GPBP1L1: variants seen among roughly 807,000 people sequenced by gnomAD.
GPBP1L1 encodes GC-rich promoter binding protein 1 like 1, also known as vasculin-like protein 1.
GPBP1L1 carries 23 observed loss-of-function variants against 52.5 expected under a neutral mutation model. That is an observed-to-expected ratio of 0.44 (90% CI 0.32 to 0.62). The LOEUF is 0.62. GPBP1L1 is among the 20% of genes least tolerant of loss of function. GPBP1L1 has a pLI of 0.06. For synonymous variants in GPBP1L1, 243 were observed against 203.1 expected, an observed-to-expected ratio of 1.20 and a Z score of -1.67; for missense variants, 596 against 579.3, an observed-to-expected ratio of 1.03 and a Z score of -0.30.
chr1:45,633,695 A>C (rs754203717), intron 9 of GPBP1L1, 48 bp from the exon 10 acceptor site: 1 of 1,589,974 alleles, frequency 6.3e-7, no homozygotes, highest in Non-Finnish European at 8.6e-7. Flanking sequence ...AAGAGCAAGA[A>C]CTGGGGTTCT....
At chr1:45,664,075 G>A (rs910081334) in intron 2 of GPBP1L1, among the ~76,000 whole-genome samples, 1 of 152,140 alleles carries the variant, frequency 6.6e-6, no homozygotes, top group East Asian at 1.9e-4. Flanking sequence ...GCTCACGCCT[G>A]TAATCCCAGC....
Position 45,633,476 on chromosome 1 carries a change from CG to C in GPBP1L1, c.1044+12del, listed in dbSNP as rs1557694536. The C allele has an allele frequency of 3.1e-6, 5 of 1,611,752 alleles. No individual in the cohort carries two copies. The South Asian group carries it at 5.5e-5, about 18-fold the overall frequency. ...ATTCCTAGGCTACCCCCAGAAAAGG[CG>C]GATGCTCTTACATCTTCCAGCTTGT... On this transcript the variant is annotated intron_variant, in intron 10 of 12. Coordinates refer to ENST00000355105, the MANE Select transcript of GPBP1L1 (RefSeq NM_021639.5).
chr1:45,654,706 C>A lies in GPBP1L1; in HGVS notation c.314G>T (p.Gly105Val). The change falls in exon 6 of 13, where the codon GGC becomes GTC. Residue 105 changes from glycine (G) to valine (V), a missense_variant. Physicochemically the swap from Gly to Val is moderately radical, Grantham distance 109. Transcript: ENST00000355105. ...GWHSSSRGHD[G>V]MSQRSGGGTG... ...GCCACCTCCACTACGTTGGCTCATG[C>A]CATCATGACCTCGGGAAGAGCTATG... 1 of 1,614,194 alleles carries A rather than the reference C, an allele frequency of 6.2e-7. No individual in the cohort carries two copies. Among genetic ancestry groups the A allele is most frequent in the East Asian group, 2.2e-5 (1 of 44,886 alleles).
At position 45,629,572 on chromosome 1, in the gene GPBP1L1, A is replaced by G; in HGVS notation, c.1272+4T>C. ...GGTCTCTAGGAAGAAGGTTTACAACATACCTGCTCTGTCTTCATGTGGAAC... is the reference window on the plus strand; with the variant it reads ...GGTCTCTAGGAAGAAGGTTTACAACGTACCTGCTCTGTCTTCATGTGGAAC... On this transcript the variant is annotated splice_donor_region_variant and intron_variant, in intron 12 of 12. Transcript: ENST00000355105. 6.3e-7 allele frequency: 1 copy of G among 1,581,848 alleles called. No individual in the cohort carries two copies. Among genetic ancestry groups the G allele is most frequent in the Non-Finnish European group, 8.7e-7 (1 of 1,151,226 alleles).
intron 4 of GPBP1L1, chr1:45,655,684 A>C (rs1644877114): frequency 6.1e-6 from 1 of 163,752 alleles, no homozygotes; most frequent in Non-Finnish European, 1.3e-5. Flanking sequence ...GATTGCCTCA[A>C]AAATAATTCT....
intron 2 of GPBP1L1, among the ~76,000 whole-genome samples, chr1:45,670,281 ATTCT>A (rs752537285): frequency 2.8e-4 from 42 of 152,278 alleles, no homozygotes; most frequent in Non-Finnish European, 4.3e-4. Context: ...TAGGATACCT[ATTCT>A]TTTTACCATT....
chr1:45,634,984 G>C (rs1432364879), intron 8 of GPBP1L1: 2 of 152,122 alleles, frequency 1.3e-5, no homozygotes. Context: ...TAGAACAGAG[G>C]ACCTCCAGGA....
At position 45,631,349 on chromosome 1, in the gene GPBP1L1, G is replaced by A. The variant is rs541102690; in HGVS notation, c.1045-743C>T. Reference sequence around the variant, plus strand: ...GCGATCTCGGCTCACTGCAACCCCCGCCTCCCATGTTCAAGTGATTCTCAT... The same window carrying A: ...GCGATCTCGGCTCACTGCAACCCCCACCTCCCATGTTCAAGTGATTCTCAT... On this transcript the variant is annotated intron_variant, in intron 10 of 12. Coordinates refer to ENST00000355105, the MANE Select transcript of GPBP1L1 (RefSeq NM_021639.5). Among the ~76,000 whole-genome samples, 94 of 152,044 alleles carry A rather than the reference G, an allele frequency of 6.2e-4. 1 individual carries two copies. Among genetic ancestry groups the A allele is most frequent in the African/African-American group, 2.1e-3 (89 of 41,478 alleles).
intron 8 of GPBP1L1, among the ~76,000 whole-genome samples, chr1:45,639,615 G>A (rs567306448): frequency 2.7e-5 from 4 of 150,194 alleles, no homozygotes; most frequent in Non-Finnish European, 4.4e-5. Flanking sequence ...GGCGGCTCAC[G>A]CCTGTAATCC....
chr1:45,654,400 C>G (rs1644857214), intron 6 of GPBP1L1, 143 bp downstream of exon 6: 1 of 804,080 alleles, frequency 1.2e-6, no homozygotes, highest in African/African-American at 1.7e-5. Flanking sequence ...ATCAACTTAA[C>G]TTCTTTCCTC....
chr1:45,677,103 A>C (rs1450424135), intron 2 of GPBP1L1, among the ~76,000 whole-genome samples: 1 of 152,094 alleles, frequency 6.6e-6, no homozygotes, highest in Non-Finnish European at 1.5e-5. Context: ...TGGGAGGCTG[A>C]GGCAGGTGGA....
In GPBP1L1 at chr1:45,654,737, C is replaced by T. The variant is rs1235705678; in HGVS notation, c.283G>A (p.Gly95Ser). 1 of 1,614,048 alleles carries T rather than the reference C, an allele frequency of 6.2e-7. No homozygotes were observed. Among genetic ancestry groups the T allele is most frequent in the East Asian group, 2.2e-5 (1 of 44,902 alleles). ...TGACCTCGGGAAGAGCTATGCCAACCAGATGGGTTCCCTGTGATTCCAGCA... is the reference window on the plus strand; with the variant it reads ...TGACCTCGGGAAGAGCTATGCCAACTAGATGGGTTCCCTGTGATTCCAGCA... Reference protein sequence around the residue: ...AYAGITGNPSGWHSSSRGHDG... With the variant: ...AYAGITGNPSSWHSSSRGHDG... The change falls in exon 6 of 13, where the codon GGT becomes AGT. Residue 95 changes from glycine to serine, a missense_variant. Coordinates refer to ENST00000355105, the MANE Select transcript of GPBP1L1 (RefSeq NM_021639.5).
chr1:45,643,708 T>G (rs1363336660), intron 6 of GPBP1L1, among the ~76,000 whole-genome samples: 2 of 138,682 alleles, frequency 1.4e-5, no homozygotes, highest in African/African-American at 5.4e-5. Flanking sequence ...GTCACTCTGT[T>G]GCCCAGGTTG....
At chr1:45,659,872 T>C (rs930781700) in intron 3 of GPBP1L1, among the ~76,000 whole-genome samples, 2 of 152,048 alleles carry the variant, frequency 1.3e-5, no homozygotes, top group African/African-American at 2.4e-5. Flanking sequence ...GCTGGGAAGG[T>C]TGAGGCTGCA....
chr1:45,683,586 C>T (rs1254127489), intron 2 of GPBP1L1, among the ~76,000 whole-genome samples: 3 of 150,104 alleles, frequency 2.0e-5, no homozygotes, highest in Admixed American at 6.6e-5. Flanking sequence ...AAAACAGTAT[C>T]TACTTAGACC....
rs1414286301 is a variant in GPBP1L1 at position 45,634,160 on chromosome 1, C to A, written c.821G>T (p.Ser274Ile). The A allele has an allele frequency of 1.2e-6, 2 of 1,613,998 alleles. No individual in the cohort carries two copies. Among genetic ancestry groups the A allele is most frequent in the South Asian group, 2.2e-5 (2 of 91,060 alleles). The change falls in exon 9 of 13, where the codon AGT becomes ATT. Residue 274 changes from serine (S) to isoleucine (I), a missense_variant. Ser to Ile is a moderately radical substitution (Grantham distance 142). Coordinates refer to ENST00000355105, the MANE Select transcript of GPBP1L1 (RefSeq NM_021639.5). ...LSSSRESAFT[S>I]PISVTKPVVL... ...CACTGGTTTGGTAACAGAGATTGGA[C>A]TGGTAAAAGCAGACTCCCGGCTAGA...
At chr1:45,652,404 C>T (rs937131147) in intron 6 of GPBP1L1, among the ~76,000 whole-genome samples, 1 of 152,122 alleles carries the variant, frequency 6.6e-6, no homozygotes, top group Non-Finnish European at 1.5e-5. Context: ...AATGAAGTTT[C>T]TAATCAAACT....
rs371218116 is a variant in GPBP1L1 at position 45,672,519 on chromosome 1, G to A, written c.-1097-11294C>T. Among the ~76,000 whole-genome samples, 72 of 144,300 alleles carry A rather than the reference G, an allele frequency of 5.0e-4. No homozygotes were observed. The South Asian group carries it at 0.017, about 33-fold the overall frequency. The allele number at this position is 144,300 out of a possible 152,430, so 94.7% of individuals were successfully genotyped here. A position where few individuals can be genotyped will look rare whatever the true frequency, so the allele number is the denominator to read the frequency against. ...TAGATTCCACAAATAATGAGAGACA[G>A]AAGAACTCTTTTTATACACATGTTA... is the stretch of plus-strand genomic sequence containing the variant. On this transcript the variant is annotated intron_variant, in intron 2 of 12. Coordinates refer to ENST00000355105, the MANE Select transcript of GPBP1L1 (RefSeq NM_021639.5).
At chr1:45,629,429 C>T (rs1041173208) in intron 12 of GPBP1L1, 147 bp downstream of exon 12, 8 of 581,284 alleles carry the variant, frequency 1.4e-5, no homozygotes, top group Admixed American at 3.0e-5. Context: ...GATTTAGGGG[C>T]CCCACTACAT....
Sources: gnomAD v4.1 joint callset for allele counts (sites outside exome capture counted in the v4.1 genomes callset) on GRCh38, gnomAD v4.1.1 for gene constraint, MANE v1.5 for transcripts, NCBI Gene and HGNC (gene_info 2026-07-23, HGNC 2026-07-21) for gene names.